The following ZC3H6 variants were observed in gnomAD, a reference collection of about 807,000 sequenced individuals.
ZC3H6 encodes zinc finger CCCH-type containing 6.
ZC3H6 carries 40 observed loss-of-function variants against 107.7 expected under a neutral mutation model. That is an observed-to-expected ratio of 0.37 (90% CI 0.29 to 0.48). The LOEUF is 0.48. Among genes scored for constraint, ZC3H6 ranks in the 20% least tolerant of loss-of-function variants. The pLI is 0.98. For missense variants in ZC3H6, 1,267 were observed against 1,410.4 expected (o/e 0.90, Z 1.63); for synonymous variants, 493 against 487.9 (o/e 1.01, Z -0.14).
Position 112,321,780 on chromosome 2 carries a change from A to G in ZC3H6, c.1001A>G (p.His334Arg). 1 of 1,539,740 alleles carries G rather than the reference A, an allele frequency of 6.5e-7. No homozygotes were observed. Among genetic ancestry groups the G allele is most frequent in the Non-Finnish European group, 8.8e-7 (1 of 1,141,638 alleles). Reference protein sequence around the residue: ...MHNEFPCKFYHSGAKCYQGDN... With the variant: ...MHNEFPCKFYRSGAKCYQGDN... ...CATGAATTTCCATGCAAGTTCTATC[A>G]TAGTGGAGCAAAATGTTACCAGGGA... Residue 334 changes from histidine to arginine, a missense_variant, in exon 8 of 12, where the codon CAT becomes CGT. Around this residue, in one of 3 missense-constraint regions of ZC3H6, gnomAD observed 925 missense variants for 1,025.7 expected, o/e 0.90. Transcript: ENST00000409871.
In ZC3H6 at chr2:112,316,452, G is replaced by A; in HGVS notation, c.748-18G>A. The A allele has an allele frequency of 6.7e-7, 1 of 1,482,924 alleles. No individual in the cohort carries two copies. 91.9% of individuals were successfully genotyped at this position (1,482,924 alleles called of 1,614,324 possible). On this transcript the variant is annotated intron_variant, in intron 5 of 11. Coordinates refer to ENST00000409871, the MANE Select transcript of ZC3H6 (RefSeq NM_198581.3). ...AATATTTCATATGCTGCATTCAAATGGAATTTTTTTCTTGCAGTATAATAA... is the reference window on the plus strand; with the variant it reads ...AATATTTCATATGCTGCATTCAAATAGAATTTTTTTCTTGCAGTATAATAA...
chr2:112,306,174 C>CCT (rs1553493534), intron 3 of ZC3H6, among the ~76,000 whole-genome samples: 1 of 136,888 alleles, frequency 7.3e-6, no homozygotes, highest in Non-Finnish European at 1.6e-5. Flanking sequence ...GTCTGTATTT[C>CCT]TTTTTTTTTT....
chr2:112,283,538 GA>G (rs1474058559), intron 1 of ZC3H6, among the ~76,000 whole-genome samples: 15 of 152,140 alleles, frequency 9.9e-5, no homozygotes, highest in African/African-American at 2.2e-4. Flanking sequence ...AAAGATCCTA[GA>G]TTTGGAACAC....
At chr2:112,317,433 G>A (rs1332338655) in intron 7 of ZC3H6, 101 bp downstream of exon 7, 3 of 636,522 alleles carry the variant, frequency 4.7e-6, no homozygotes, top group East Asian at 3.4e-5. Flanking sequence ...GCCTAGTTTG[G>A]TTTTAAATTT....
rs566268409 is a variant in ZC3H6, at chr2:112,298,642, G to A, written c.33-1207G>A. 5.4e-4 allele frequency among the ~76,000 whole-genome samples: 83 copies of A among 152,334 alleles called. 1 individual carries two copies. In the Middle Eastern group the frequency reaches 0.014, roughly 25 times the overall value. On this transcript the variant is annotated intron_variant, in intron 1 of 11. Coordinates refer to ENST00000409871, the MANE Select transcript of ZC3H6 (RefSeq NM_198581.3). ...ATGCTTATTGCCGAGTTATCGGCAA[G>A]CAATCAAATGCCCAGCTCTATGTGA...
Position 112,339,902 on chromosome 2 carries a change from T to C in ZC3H6, c.*7414T>C, listed in dbSNP as rs1437270358. The C allele has an allele frequency of 6.6e-6, 1 of 152,154 alleles. No homozygotes were observed. The highest frequency in any genetic ancestry group is 1.5e-5 in the Non-Finnish European group (1 of 68,028). 9.4% of individuals were successfully genotyped at this position (152,154 alleles called of 1,614,324 possible). The stretch of plus-strand genomic sequence containing the variant: ...TTTGCTGAACTGATAAATTATTCTA[T>C]TAAGGACTAACCCAGTACTTGGCAA... On this transcript the variant is annotated 3_prime_UTR_variant, in exon 12 of 12. Transcript: ENST00000409871.
intron 2 of ZC3H6, 149 bp from the exon 3 acceptor site, chr2:112,303,080 G>A: frequency 1.1e-6 from 1 of 940,846 alleles, no homozygotes; most frequent in South Asian, 2.0e-5. Flanking sequence ...GTGGCCTTTG[G>A]GGCAAGAATT....
rs191083375 is a variant in ZC3H6, at chr2:112,326,913, A to T, written c.2086+1716A>T. 5.3e-5 allele frequency among the ~76,000 whole-genome samples: 8 copies of T among 152,100 alleles called. No individual in the cohort carries two copies. In the East Asian group the frequency reaches 1.5e-3, roughly 29 times the overall value. Reference sequence around the variant, plus strand: ...CAGGTGTGCGCCACCGTGCCTGGCCATTGTCTGTTGGTGGACACTTAGGTT... The same window carrying T: ...CAGGTGTGCGCCACCGTGCCTGGCCTTTGTCTGTTGGTGGACACTTAGGTT... On this transcript the variant is annotated intron_variant, in intron 11 of 11. Coordinates refer to ENST00000409871, the MANE Select transcript of ZC3H6 (RefSeq NM_198581.3).
At chr2:112,311,695 G>T in intron 4 of ZC3H6, 109 bp from the exon 5 acceptor site, 1 of 896,428 alleles carries the variant, frequency 1.1e-6, no homozygotes, top group East Asian at 2.9e-5. Context: ...GGAAAAAAAA[G>T]AATGCACTGT....
Position 112,322,802 on chromosome 2 carries a change from G to C in ZC3H6, c.1240G>C (p.Asp414His), listed in dbSNP as rs752907674. ...EHFPFSDPED[D>H]FQTDFSDDFR... The stretch of plus-strand genomic sequence containing the variant: ...TTTTCCCTTTTCTGATCCTGAAGAC[G>C]ATTTTCAGACAGATTTCTCTGATGA... The change falls in exon 9 of 12, where the codon GAT (aspartate) becomes CAT (histidine). Residue 414 changes from aspartate to histidine, a missense_variant. Physicochemically the swap from Asp to His is moderately conservative, Grantham distance 81. Around this residue, in one of 3 missense-constraint regions of ZC3H6, gnomAD observed 925 missense variants for 1,025.7 expected, o/e 0.90. Coordinates refer to ENST00000409871, the MANE Select transcript of ZC3H6 (RefSeq NM_198581.3). 6.2e-7 allele frequency: 1 copy of C among 1,613,854 alleles called. No homozygotes were observed. The highest frequency in any genetic ancestry group is 1.1e-5 in the South Asian group (1 of 91,040).
chr2:112,289,322 C>CTTTTTTTTT (rs1228912169), intron 1 of ZC3H6, among the ~76,000 whole-genome samples: 1 of 65,458 alleles, frequency 1.5e-5, no homozygotes, highest in Admixed American at 1.4e-4. Flanking sequence ...TTTTCTTTTT[C>CTTTTTTTTT]TTTTTTTTTT....
chr2:112,287,568 C>A (rs915208604), intron 1 of ZC3H6, among the ~76,000 whole-genome samples: 121 of 152,272 alleles, frequency 7.9e-4, no homozygotes, highest in African/African-American at 2.9e-3. Context: ...TAATAATTAT[C>A]AGATATTTTC....
intron 7 of ZC3H6, among the ~76,000 whole-genome samples, chr2:112,320,789 T>A (rs1676786726): frequency 6.6e-6 from 1 of 152,142 alleles, no homozygotes; most frequent in African/African-American, 2.4e-5. Context: ...TTATTTAATT[T>A]TAATTGTATT....
chr2:112,294,946 G>A (rs1044501232), intron 1 of ZC3H6, among the ~76,000 whole-genome samples: 2 of 152,110 alleles, frequency 1.3e-5, no homozygotes, highest in Non-Finnish European at 2.9e-5. Flanking sequence ...GCTTTATTGA[G>A]ATACATTTCA....
At chr2:112,323,247 G>C (rs1676839889) in intron 9 of ZC3H6, among the ~76,000 whole-genome samples, 1 of 152,132 alleles carries the variant, frequency 6.6e-6, no homozygotes, top group Admixed American at 6.5e-5. Flanking sequence ...CCACATATTT[G>C]ATTATTTTGA....
At chr2:112,296,430 T>G (rs1483677254) in intron 1 of ZC3H6, among the ~76,000 whole-genome samples, 10 of 152,210 alleles carry the variant, frequency 6.6e-5, no homozygotes, top group Non-Finnish European at 1.5e-4. Context: ...TCTATTTGCC[T>G]GTTGATAGAG....
At chr2:112,282,352 T>C (rs1345001942) in intron 1 of ZC3H6, among the ~76,000 whole-genome samples, 2 of 152,228 alleles carry the variant, frequency 1.3e-5, no homozygotes, top group South Asian at 2.1e-4. Flanking sequence ...ATTTAGAAAC[T>C]GATCAGTGTC....
At position 112,331,925 on chromosome 2, in the gene ZC3H6, C is replaced by T; in HGVS notation, c.3007C>T (p.Pro1003Ser). 6.2e-7 allele frequency: 1 copy of T among 1,613,964 alleles called. No individual in the cohort carries two copies. The highest frequency in any genetic ancestry group is 8.5e-7 in the Non-Finnish European group (1 of 1,179,884). ...TGCCCCTCACTTACCCAGATCAAAC[C>T]CTGGTTCATCACAGCCCTCAGGGGC... is the stretch of plus-strand genomic sequence containing the variant. ...KGAPHLPRSNPGSSQPSGAGT... is the reference protein window; with the variant it reads ...KGAPHLPRSNSGSSQPSGAGT... The change falls in exon 12 of 12, where the codon CCT (proline) becomes TCT (serine). Residue 1003 changes from proline to serine, a missense_variant. This residue lies in a region of ZC3H6 where 925 missense variants were observed against 1,025.7 expected (regional missense o/e 0.90). Transcript: ENST00000409871.
At chr2:112,300,648 T>C (rs893019439) in intron 2 of ZC3H6, among the ~76,000 whole-genome samples, 11 of 152,230 alleles carry the variant, frequency 7.2e-5, no homozygotes, top group Admixed American at 4.6e-4. Flanking sequence ...CATCTATTTA[T>C]TATTCATTTA....
Sources: gnomAD v4.1 joint callset for allele counts (sites outside exome capture counted in the v4.1 genomes callset) on GRCh38, gnomAD v4.1.1 for gene constraint, gnomAD v4.1.1 regional missense constraint, MANE v1.5 for transcripts, NCBI Gene and HGNC (gene_info 2026-07-23, HGNC 2026-07-21) for gene names.